The following FBXO31 variants were observed in gnomAD, a reference collection of about 807,000 sequenced individuals.
FBXO31 encodes the protein F-box only protein 31.
In FBXO31, 24 loss-of-function variants were observed where a neutral mutation model predicts 54.4. The observed-to-expected ratio is 0.44, with a 90% CI of 0.32 to 0.62. The LOEUF (loss-of-function observed/expected upper bound fraction) is 0.62, where lower values mean the gene tolerates loss of function less well. Ranked by LOEUF, FBXO31 falls within the 20% of genes least tolerant of loss-of-function variation. The pLI is 0.05. For synonymous variants in FBXO31, 388 were observed against 335.6 expected (o/e 1.16, Z -1.71); for missense variants, 665 against 787.1 (o/e 0.84, Z 1.86).
At chr16:87,391,143 G>C (rs1014928056), upstream of FBXO31, among the ~76,000 whole-genome samples, 6 of 152,110 alleles carry the variant, frequency 3.9e-5, no homozygotes, top group African/African-American at 9.7e-5. Context: ...TTGAGGCCAG[G>C]AGTTCAAGAC....
intron 1 of FBXO31, among the ~76,000 whole-genome samples, chr16:87,370,902 C>G (rs1212094807): frequency 6.6e-6 from 1 of 152,178 alleles, no homozygotes. Context: ...TTTTCTGCTT[C>G]TGAGGCTAAA....
At position 87,343,827 on chromosome 16, in the gene FBXO31, G is replaced by A. The variant is rs563390690; in HGVS notation, c.490-62C>T. The A allele has an allele frequency of 1.7e-4, 273 of 1,575,400 alleles. No individual in the cohort carries two copies. The African/African-American group carries it at 2.4e-3, about 14-fold the overall frequency. ...CCCGGGCCAGAGCAAGGGCGGCCCCGCACGGCTCCCCGCACTGCAATGGCA... is the reference window on the plus strand; with the variant it reads ...CCCGGGCCAGAGCAAGGGCGGCCCCACACGGCTCCCCGCACTGCAATGGCA... On this transcript the variant is annotated intron_variant, in intron 3 of 8. Transcript: ENST00000311635.
In FBXO31 at chr16:87,334,239, C is replaced by G. The variant is rs769568504; in HGVS notation, c.1044G>C (p.Leu348=). 1.2e-6 allele frequency: 2 copies of G among 1,608,850 alleles called. No individual in the cohort carries two copies. Among genetic ancestry groups the G allele is most frequent in the Admixed American group, 3.4e-5 (2 of 59,648 alleles). The change falls in exon 8 of 9, where the codon CTG becomes CTC. Residue 348 remains leucine (L), a synonymous_variant. Transcript: ENST00000311635. The stretch of plus-strand genomic sequence containing the variant: ...GGTCGGGCAGCTGGATCCGATGCCT[C>G]AGGTCGATCTCCACTGTCTGCTGCC... ...PAGQQTVEID[L]RHRIQLPDLE... is the part of the protein sequence containing the mutation.
At chr16:87,381,395 C>G (rs569256795) in intron 1 of FBXO31, among the ~76,000 whole-genome samples, 2 of 152,312 alleles carry the variant, frequency 1.3e-5, no homozygotes, top group African/African-American at 2.4e-5. Flanking sequence ...GAGGGCTTCA[C>G]AGGCATCACC....
upstream of FBXO31, among the ~76,000 whole-genome samples, chr16:87,384,802 G>T (rs1907268299): frequency 6.6e-6 from 1 of 152,070 alleles, no homozygotes; most frequent in African/African-American, 2.4e-5. Flanking sequence ...CGAGGCTGTA[G>T]TGACCCGTGA....
chr16:87,389,023 T>C (rs1050412709), intron 1 of FBXO31, among the ~76,000 whole-genome samples: 4 of 152,194 alleles, frequency 2.6e-5, no homozygotes, highest in African/African-American at 9.6e-5. Flanking sequence ...ATATTAAATT[T>C]CTACTAAACT....
In FBXO31 at chr16:87,330,725, C is replaced by G. The variant is rs1191139411; in HGVS notation, c.*563G>C. 6.5e-6 allele frequency: 1 copy of G among 153,006 alleles called. No individual in the cohort carries two copies. The highest frequency in any genetic ancestry group is 1.5e-5 in the Non-Finnish European group (1 of 68,594). 9.5% of individuals were successfully genotyped at this position (153,006 alleles called of 1,614,324 possible). A position where few individuals can be genotyped will look rare whatever the true frequency, so the allele number is the denominator to read the frequency against. ...GAGAAATGGGGATTCACTCCAGAGT[C>G]CCGGCCCCAAGCCTGAGATCCTACC... On this transcript the variant is annotated 3_prime_UTR_variant, in exon 9 of 9. Transcript: ENST00000311635.
intron 1 of FBXO31, chr16:87,367,834 G>C (rs539837854): frequency 6.6e-6 from 1 of 152,352 alleles, no homozygotes; most frequent in Non-Finnish European, 1.5e-5. Flanking sequence ...TCATAAGCCA[G>C]TCCTCTGCAA....
Position 87,343,997 on chromosome 16 carries a change from T to C in FBXO31, c.490-232A>G, listed in dbSNP as rs540776020. Among the ~76,000 whole-genome samples the C allele has an allele frequency of 3.3e-5, 5 of 152,218 alleles. No individual in the cohort carries two copies. The South Asian group carries it at 1.0e-3, about 32-fold the overall frequency. On this transcript the variant is annotated intron_variant, in intron 3 of 8. Transcript: ENST00000311635. ...ATCCAGAAAGTGACACGGGGTGAGG[T>C]GCCGACCAGACAGAGGGAAAGGGGG...
At chr16:87,343,792 A>C in intron 3 of FBXO31, 27 bp from the exon 4 acceptor site, 1 of 1,613,112 alleles carries the variant, frequency 6.2e-7, no homozygotes, top group Non-Finnish European at 8.5e-7. Context: ...GCAAAGGTCC[A>C]TGAGTGGCTC....
chr16:87,352,354 G>A (rs948123664), intron 2 of FBXO31, among the ~76,000 whole-genome samples: 1 of 151,992 alleles, frequency 6.6e-6, no homozygotes. Context: ...TAAGGACATC[G>A]CTACCTCTTA....
At chr16:87,384,888 C>T (rs1210459857), upstream of FBXO31, among the ~76,000 whole-genome samples, 1 of 151,990 alleles carries the variant, frequency 6.6e-6, no homozygotes, top group Non-Finnish European at 1.5e-5. Context: ...AAAATAGCCA[C>T]AAATGGCTGG....
At position 87,336,127 on chromosome 16, in the gene FBXO31, C is replaced by G. The variant is rs780661101; in HGVS notation, c.842+28G>C. 2.5e-6 allele frequency: 4 copies of G among 1,593,104 alleles called. No homozygotes were observed. The highest frequency in any genetic ancestry group is 3.4e-6 in the Non-Finnish European group (4 of 1,161,322). ...CCAGCACACACCAGGAGAGGGCTAC[C>G]CCAGCACCGAGCAGGAGCCGCACTC... On this transcript the variant is annotated intron_variant, in intron 6 of 8. Transcript: ENST00000311635. This position sits in a 1 kb window ranked among gnomAD's most constrained non-coding sequence, Gnocchi z 6.5.
At chr16:87,357,780 A>C (rs1417870079) in intron 2 of FBXO31, among the ~76,000 whole-genome samples, 2 of 152,134 alleles carry the variant, frequency 1.3e-5, no homozygotes, top group African/African-American at 4.8e-5. Context: ...AAAATACAAA[A>C]AAATTTGCTG....
intron 1 of FBXO31, chr16:87,366,963 A>C (rs1394556116): frequency 6.6e-6 from 1 of 152,250 alleles, no homozygotes; most frequent in Non-Finnish European, 1.5e-5. Context: ...GGCTTGCTTG[A>C]ACCCAGGAGT....
intron 7 of FBXO31, 57 bp from the exon 8 acceptor site, chr16:87,334,343 G>T: frequency 6.8e-7 from 1 of 1,480,448 alleles, no homozygotes; most frequent in African/African-American, 1.4e-5. Context: ...CAGTACCACT[G>T]TGTGGGCTCC....
At chr16:87,383,781 A>G (rs1907200162), upstream of FBXO31, 3 of 1,171,682 alleles carry the variant, frequency 2.6e-6, no homozygotes, top group African/African-American at 4.9e-5. This position sits in a 1 kb window ranked among gnomAD's most constrained non-coding sequence, Gnocchi z 4.9. Flanking sequence ...GCCTGTGCGC[A>G]CGCTCCAGCG....
intron 1 of FBXO31, among the ~76,000 whole-genome samples, chr16:87,377,367 G>A (rs1485531287): frequency 2.0e-5 from 3 of 152,110 alleles, no homozygotes; most frequent in African/African-American, 4.8e-5. Context: ...GATCATTTAC[G>A]CCGGAGAAGT....
intron 1 of FBXO31, among the ~76,000 whole-genome samples, chr16:87,368,921 T>A (rs2150691331): frequency 6.6e-6 from 1 of 152,228 alleles, no homozygotes; most frequent in East Asian, 1.9e-4. Context: ...TGCCTCAGCC[T>A]ACCAAGTAGC....
Sources: allele counts gnomAD v4.1 joint callset (sites outside exome capture counted in the v4.1 genomes callset), GRCh38; gene constraint gnomAD v4.1.1; non-coding constraint Gnocchi (gnomAD v3.1); transcripts MANE v1.5; gene names NCBI Gene and HGNC (gene_info 2026-07-23, HGNC 2026-07-21).